Variants in SAMD12 observed in about 807,000 individuals in gnomAD.
SAMD12 encodes the protein sterile alpha motif domain containing 12.
A neutral mutation model predicts 15.0 loss-of-function variants in SAMD12; 9 were observed. The ratio of observed to expected loss-of-function variants is 0.60; its 90% CI spans 0.36 to 1.05. The LOEUF (loss-of-function observed/expected upper bound fraction) is 1.05, where lower values mean the gene tolerates loss of function less well. SAMD12 is among the 50% of genes least tolerant of loss of function. SAMD12 has a pLI of 0.01. For missense variants in SAMD12, 230 were observed against 234.2 expected (o/e 0.98, Z 0.12); for synonymous variants, 86 against 90.1 (o/e 0.96, Z 0.25).
At chr8:118,233,045 A>G (rs958123302) in intron 4 of SAMD12, among the ~76,000 whole-genome samples, 4 of 152,220 alleles carry the variant, frequency 2.6e-5, no homozygotes, top group Non-Finnish European at 4.4e-5. Flanking sequence ...GGACCCATGT[A>G]ATAGCAGAGA....
At chr8:118,325,462 GA>G (rs1816521774) in intron 4 of SAMD12, among the ~76,000 whole-genome samples, 1 of 152,118 alleles carries the variant, frequency 6.6e-6, no homozygotes, top group African/African-American at 2.4e-5. Flanking sequence ...AAGTAAAAAT[GA>G]AATATATTTA....
intron 2 of SAMD12, among the ~76,000 whole-genome samples, chr8:118,524,439 C>G (rs1825478809): frequency 6.6e-6 from 1 of 152,152 alleles, no homozygotes; most frequent in Non-Finnish European, 1.5e-5. Context: ...TTTCTCACCT[C>G]CCTGATTTCT....
chr8:118,526,291 G>A (rs527951573), intron 2 of SAMD12, among the ~76,000 whole-genome samples: 1 of 152,232 alleles, frequency 6.6e-6, no homozygotes, highest in East Asian at 1.9e-4. Flanking sequence ...AAATGGCAGA[G>A]CTCCTTAACC....
intron 4 of SAMD12, among the ~76,000 whole-genome samples, chr8:118,357,439 A>G (rs916196617): frequency 1.3e-5 from 2 of 152,122 alleles, no homozygotes. Context: ...GGTTTACCAT[A>G]TTACTTTAGG....
In SAMD12 at chr8:118,547,892, T is replaced by C. The variant is rs551716253; in HGVS notation, c.192+32823A>G. On this transcript the variant is annotated intron_variant, in intron 2 of 3. Transcript: ENST00000314727. ...AATGTTAAATTACTAAATCAAACAC[T>C]GTTCATCCTCACACGACCTCCAACC... is the stretch of plus-strand genomic sequence containing the variant. 3.2e-4 allele frequency among the ~76,000 whole-genome samples: 49 copies of C among 152,298 alleles called. 1 individual carries two copies. The South Asian group carries it at 0.01, about 32-fold the overall frequency.
chr8:118,588,083 T>C (rs1290411066), intron 1 of SAMD12, among the ~76,000 whole-genome samples: 1 of 152,140 alleles, frequency 6.6e-6, no homozygotes, highest in Non-Finnish European at 1.5e-5. Flanking sequence ...AGGTAATCAA[T>C]CCAGATGACA....
downstream of SAMD12, among the ~76,000 whole-genome samples, chr8:118,185,219 TA>T (rs1819223359): frequency 6.6e-6 from 1 of 152,152 alleles, no homozygotes; most frequent in Non-Finnish European, 1.5e-5. Flanking sequence ...ATTATGCACT[TA>T]TTTTATTTTA....
At chr8:118,192,206 T>C (rs889320171) in exon 5 of SAMD12, 1 of 152,016 alleles carries the variant, frequency 6.6e-6, no homozygotes, top group Non-Finnish European at 1.5e-5. Flanking sequence ...TATTTGAATA[T>C]ATTTTTACAG....
At chr8:118,440,004 C>T in intron 2 of SAMD12, 43 bp from the exon 3 acceptor site, 4 of 1,604,594 alleles carry the variant, frequency 2.5e-6, no homozygotes, top group Non-Finnish European at 3.4e-6. Context: ...GGCCCCATGC[C>T]TAGGAAGACA....
At chr8:118,470,298 TAA>T (rs968519624) in intron 2 of SAMD12, among the ~76,000 whole-genome samples, 1 of 151,752 alleles carries the variant, frequency 6.6e-6, no homozygotes, top group East Asian at 1.9e-4. Flanking sequence ...ACTTAGGTAA[TAA>T]AAAAATAACA....
chr8:118,513,549 C>T (rs1400210513), intron 2 of SAMD12, among the ~76,000 whole-genome samples: 1 of 152,204 alleles, frequency 6.6e-6, no homozygotes, highest in Admixed American at 6.5e-5. Flanking sequence ...CCAAATCAAA[C>T]ACAGAGCAGT....
chr8:118,264,429 G>C (rs1391008739), intron 4 of SAMD12, among the ~76,000 whole-genome samples: 1 of 152,070 alleles, frequency 6.6e-6, no homozygotes, highest in Non-Finnish European at 1.5e-5. Context: ...AGACAAAATT[G>C]TTTTTCTAGA....
At chr8:118,428,290 G>C (rs1297127527) in intron 3 of SAMD12, among the ~76,000 whole-genome samples, 10 of 152,270 alleles carry the variant, frequency 6.6e-5, no homozygotes, top group African/African-American at 2.4e-4. Flanking sequence ...TAGAAGCCAA[G>C]TGTGATTGTG....
At chr8:118,447,583 G>A (rs1054745898) in intron 2 of SAMD12, among the ~76,000 whole-genome samples, 3 of 152,088 alleles carry the variant, frequency 2.0e-5, no homozygotes, top group African/African-American at 2.4e-5. Context: ...GATTACAGGC[G>A]TGAGCCACCG....
At chr8:118,590,279 C>T (rs1485367801) in intron 1 of SAMD12, among the ~76,000 whole-genome samples, 1 of 152,168 alleles carries the variant, frequency 6.6e-6, no homozygotes, top group African/African-American at 2.4e-5. Context: ...GATTGTAAAG[C>T]CTAGACTCAC....
chr8:118,549,076 T>C (rs1826234378), intron 2 of SAMD12, among the ~76,000 whole-genome samples: 1 of 152,244 alleles, frequency 6.6e-6, no homozygotes, highest in African/African-American at 2.4e-5. Flanking sequence ...TGCCTGCCTC[T>C]GTAGGCTCCA....
In SAMD12 at chr8:118,313,974, A is replaced by C. The variant is rs1009285461; in HGVS notation, c.433+65586T>G. On this transcript the variant is annotated intron_variant, in intron 4 of 4. Coordinates refer to the SAMD12 transcript ENST00000409003. ...ATAATTCTGAATTTTTACTTGAAAG[A>C]TATTTAAAGTAAAGGTTCTTGAGGA... 3.9e-5 allele frequency among the ~76,000 whole-genome samples: 6 copies of C among 152,136 alleles called. No individual in the cohort carries two copies. The South Asian group carries it at 1.2e-3, about 32-fold the overall frequency.
chr8:118,471,259 A>G (rs904181411), intron 2 of SAMD12, among the ~76,000 whole-genome samples: 3 of 152,126 alleles, frequency 2.0e-5, no homozygotes, highest in Non-Finnish European at 4.4e-5. Context: ...TATTATGAGT[A>G]ATTGTGCTAT....
At chr8:118,291,052 A>G (rs1814336368) in intron 4 of SAMD12, among the ~76,000 whole-genome samples, 1 of 152,204 alleles carries the variant, frequency 6.6e-6, no homozygotes, top group African/African-American at 2.4e-5. Flanking sequence ...ATGTTGGCTT[A>G]CAAATTTATA....
Sources: allele counts gnomAD v4.1 joint callset (sites outside exome capture counted in the v4.1 genomes callset), GRCh38; gene constraint gnomAD v4.1.1; transcripts MANE v1.5; gene names NCBI Gene and HGNC (gene_info 2026-07-23, HGNC 2026-07-21).